The following HNF4G variants were observed in gnomAD, a reference collection of about 807,000 sequenced individuals.
HNF4G encodes the protein hepatocyte nuclear factor 4-gamma.
A neutral mutation model predicts 50.9 loss-of-function variants in HNF4G; 21 were observed. That is an observed-to-expected ratio of 0.41 (90% CI 0.29 to 0.59). HNF4G has a LOEUF of 0.59. Ranked by LOEUF, HNF4G falls within the 20% of genes least tolerant of loss-of-function variation. The pLI, the probability that HNF4G is intolerant of heterozygous loss-of-function variation, is 0.26. For missense variants in HNF4G, 527 were observed against 559.4 expected, an observed-to-expected ratio of 0.94 and a Z score of 0.58; for synonymous variants, 198 against 185.6, an observed-to-expected ratio of 1.07 and a Z score of -0.54.
upstream of HNF4G, among the ~76,000 whole-genome samples, chr8:75,535,714 T>C (rs943436819): frequency 1.3e-5 from 2 of 151,972 alleles, no homozygotes; most frequent in Non-Finnish European, 2.9e-5. Context: ...CCAAATTATT[T>C]TCATGAAAAT....
chr8:75,535,597 A>G (rs1369750952), upstream of HNF4G, among the ~76,000 whole-genome samples: 2 of 151,886 alleles, frequency 1.3e-5, no homozygotes, highest in Non-Finnish European at 3.0e-5. Context: ...GGAGATTGAT[A>G]TGTAGTGCTT....
At chr8:75,516,577 A>G (rs1805894037) in intron 2 of HNF4G, among the ~76,000 whole-genome samples, 1 of 152,160 alleles carries the variant, frequency 6.6e-6, no homozygotes, top group Non-Finnish European at 1.5e-5. Context: ...TGTCAACTAG[A>G]TAAAGTTGAT....
At chr8:75,458,981 C>G (rs1222605846) in intron 1 of HNF4G, among the ~76,000 whole-genome samples, 1 of 152,032 alleles carries the variant, frequency 6.6e-6, no homozygotes, top group Non-Finnish European at 1.5e-5. Flanking sequence ...GATTATGAAA[C>G]AAACTACTGT....
At chr8:75,520,578 C>T (rs1365417456) in intron 2 of HNF4G, among the ~76,000 whole-genome samples, 1 of 152,024 alleles carries the variant, frequency 6.6e-6, no homozygotes, top group Non-Finnish European at 1.5e-5. Context: ...GCTGGGACTG[C>T]AGGTGGATGC....
intron 2 of HNF4G, 60 bp downstream of exon 2, chr8:75,544,039 AAAGT>A: frequency 7.1e-7 from 1 of 1,416,960 alleles, no homozygotes; most frequent in Non-Finnish European, 9.6e-7. Context: ...TGGCACGCAA[AAAGT>A]AAGAGAAGAA....
intron 2 of HNF4G, among the ~76,000 whole-genome samples, chr8:75,546,304 C>G (rs1189288856): frequency 1.3e-5 from 2 of 152,016 alleles, no homozygotes; most frequent in Admixed American, 6.6e-5. Context: ...TACTTAACAC[C>G]CCCAAGTTCT....
At chr8:75,504,261 ACACACACAC>A (rs759395196) in intron 2 of HNF4G, among the ~76,000 whole-genome samples, 13,388 of 150,376 alleles carry the variant, frequency 0.089, 700 homozygotes, top group Non-Finnish European at 0.11. Context: ...ACACACACAC[ACACACACAC>A]ACACACCAAA....
intron 2 of HNF4G, among the ~76,000 whole-genome samples, chr8:75,499,027 A>C (rs1031246520): frequency 2.6e-5 from 4 of 152,044 alleles, no homozygotes; most frequent in Non-Finnish European, 4.4e-5. Flanking sequence ...AGTTCAAACC[A>C]GGGCAACTAA....
At chr8:75,552,466 A>G (rs1212796430) in intron 4 of HNF4G, among the ~76,000 whole-genome samples, 1 of 152,168 alleles carries the variant, frequency 6.6e-6, no homozygotes, top group Non-Finnish European at 1.5e-5. Context: ...CAAATTTACA[A>G]ATCTTACAAA....
In HNF4G at chr8:75,565,078, A is replaced by T. The variant is rs1472369294; in HGVS notation, c.*982A>T. On this transcript the variant is annotated 3_prime_UTR_variant, in exon 10 of 10. Coordinates refer to ENST00000396423, the MANE Select transcript of HNF4G (RefSeq NM_004133.5). ...TATCATTATCGCTGTTTTATAAATA[A>T]GGGAAACTTTAGCTTGAGGGTTTAA... The T allele has an allele frequency of 1.3e-5, 2 of 152,230 alleles. No homozygotes were observed. Among genetic ancestry groups the T allele is most frequent in the African/African-American group, 2.4e-5 (1 of 41,462 alleles). 9.4% of individuals were successfully genotyped at this position (152,230 alleles called of 1,614,324 possible).
At chr8:75,443,675 T>C (rs1464254002) in intron 1 of HNF4G, among the ~76,000 whole-genome samples, 2 of 152,218 alleles carry the variant, frequency 1.3e-5, no homozygotes, top group Non-Finnish European at 2.9e-5. Flanking sequence ...GCTGGTTTAC[T>C]TATGAAAAGT....
At chr8:75,422,656 C>T (rs1220927372) in intron 1 of HNF4G, among the ~76,000 whole-genome samples, 4 of 148,482 alleles carry the variant, frequency 2.7e-5, no homozygotes, top group East Asian at 2.0e-4. Flanking sequence ...TTTTTTGAGA[C>T]GGAGTCTCAC....
intron 1 of HNF4G, among the ~76,000 whole-genome samples, chr8:75,409,185 G>A (rs1197985452): frequency 1.3e-5 from 2 of 152,136 alleles, no homozygotes; most frequent in Admixed American, 1.3e-4. Context: ...GTGGTGAGTG[G>A]TGGTAAACTG....
At chr8:75,477,973 A>G (rs567120646) in intron 1 of HNF4G, among the ~76,000 whole-genome samples, 5 of 151,874 alleles carry the variant, frequency 3.3e-5, no homozygotes, top group African/African-American at 1.2e-4. Flanking sequence ...GTTCAAAAAA[A>G]GAAAAAAGAA....
At chr8:75,469,429 G>A (rs1812063863) in intron 1 of HNF4G, among the ~76,000 whole-genome samples, 1 of 152,106 alleles carries the variant, frequency 6.6e-6, no homozygotes, top group African/African-American at 2.4e-5. Flanking sequence ...AGGATTCTTG[G>A]TATACATAAT....
intron 1 of HNF4G, among the ~76,000 whole-genome samples, chr8:75,434,065 G>A (rs1375738831): frequency 6.9e-6 from 1 of 144,604 alleles, no homozygotes; most frequent in Non-Finnish European, 1.5e-5. Context: ...GTGCAGTGGT[G>A]TGATCTCGGC....
At chr8:75,458,822 A>C (rs1462272849) in intron 1 of HNF4G, among the ~76,000 whole-genome samples, 1 of 152,208 alleles carries the variant, frequency 6.6e-6, no homozygotes, top group Non-Finnish European at 1.5e-5. Context: ...ACTAAAGAGA[A>C]TAATGACAAT....
intron 1 of HNF4G, among the ~76,000 whole-genome samples, chr8:75,478,842 G>C (rs1000351478): frequency 2.0e-5 from 3 of 152,104 alleles, no homozygotes; most frequent in African/African-American, 7.2e-5. Context: ...TCCTGCCTCA[G>C]CCTCCCAAGC....
chr8:75,458,526 A>T (rs1811775526), intron 1 of HNF4G, among the ~76,000 whole-genome samples: 1 of 152,146 alleles, frequency 6.6e-6, no homozygotes, highest in African/African-American at 2.4e-5. Flanking sequence ...GACAACAACA[A>T]TAACAAATAA....
Sources: gnomAD v4.1 joint callset for allele counts (sites outside exome capture counted in the v4.1 genomes callset) on GRCh38, gnomAD v4.1.1 for gene constraint, MANE v1.5 for transcripts, NCBI Gene and HGNC (gene_info 2026-07-23, HGNC 2026-07-21) for gene names.